DNMT3A: variants seen among roughly 807,000 people sequenced by gnomAD.
DNMT3A encodes DNA (cytosine-5)-methyltransferase 3A.
A neutral mutation model predicts 117.6 loss-of-function variants in DNMT3A; 267 were observed. That is an observed-to-expected ratio of 2.27 (90% CI 2.05 to 2.51). The LOEUF (loss-of-function observed/expected upper bound fraction) is 2.51, where lower values mean the gene tolerates loss of function less well. Ranked by LOEUF, DNMT3A falls within the 30% of genes most tolerant of loss-of-function variation. The pLI is 0.00. For synonymous variants in DNMT3A, 432 were observed against 474.8 expected, an observed-to-expected ratio of 0.91 and a Z score of 1.17; for missense variants, 1,029 against 1,260.2, an observed-to-expected ratio of 0.82 and a Z score of 2.78.
At chr2:25,307,526 C>T (rs1034088727) in intron 2 of DNMT3A, among the ~76,000 whole-genome samples, 2 of 136,064 alleles carry the variant, frequency 1.5e-5, no homozygotes, top group African/African-American at 5.6e-5. Flanking sequence ...AGTGCAATGG[C>T]GAGATCTTGG....
chr2:25,336,135 G>T (rs1170747449), intron 1 of DNMT3A, among the ~76,000 whole-genome samples: 1 of 152,242 alleles, frequency 6.6e-6, no homozygotes, highest in Admixed American at 6.5e-5. Context: ...CCCACCAGCT[G>T]TTCTTGCAGG....
intron 1 of DNMT3A, among the ~76,000 whole-genome samples, chr2:25,340,544 G>C (rs939421522): frequency 2.0e-5 from 3 of 152,094 alleles, no homozygotes; most frequent in Non-Finnish European, 4.4e-5. Flanking sequence ...CGGCCTGGGG[G>C]AGGGGAACTG....
chr2:25,310,561 C>T (rs1204539842), intron 2 of DNMT3A, among the ~76,000 whole-genome samples: 1 of 152,150 alleles, frequency 6.6e-6, no homozygotes, highest in Non-Finnish European at 1.5e-5. Context: ...GCCCAGCACC[C>T]ACAGCTCTGC....
At chr2:25,302,362 C>T (rs1245295362) in intron 2 of DNMT3A, among the ~76,000 whole-genome samples, 1 of 152,134 alleles carries the variant, frequency 6.6e-6, no homozygotes. Flanking sequence ...TGTCACTAAG[C>T]TGTGCAGAGT....
At chr2:25,299,130 A>G (rs935606446) in intron 3 of DNMT3A, among the ~76,000 whole-genome samples, 7 of 152,164 alleles carry the variant, frequency 4.6e-5, no homozygotes, top group African/African-American at 1.7e-4. Context: ...GGGGGGTAAA[A>G]GAAAGGAACC....
At chr2:25,278,000 ATC>A (rs1491555120) in intron 4 of DNMT3A, among the ~76,000 whole-genome samples, 1 of 67,554 alleles carries the variant, frequency 1.5e-5, no homozygotes, top group Non-Finnish European at 2.7e-5. Flanking sequence ...CACTTGAGTG[ATC>A]ACACACACAC....
intron 1 of DNMT3A, among the ~76,000 whole-genome samples, chr2:25,332,823 C>G (rs2035065230): frequency 1.3e-5 from 2 of 152,262 alleles, no homozygotes; most frequent in South Asian, 4.1e-4. Context: ...ACAAGCACCA[C>G]ATTGTTGCTG....
rs1291260639 is a variant in DNMT3A, at chr2:25,321,581, C to T, written c.-177-7420G>A. ...TTAGGACCTGGCCATCTTAGGGGGG[C>T]CATTATTCTGGCTACCAAATGCACA... On this transcript the variant is annotated intron_variant, in intron 1 of 22. Coordinates refer to ENST00000321117, the MANE Select transcript of DNMT3A (RefSeq NM_022552.5). 5.3e-5 allele frequency among the ~76,000 whole-genome samples: 8 copies of T among 152,332 alleles called. No homozygotes were observed. The East Asian group carries it at 1.5e-3, about 29-fold the overall frequency.
chr2:25,325,301 T>C (rs2034743434), intron 1 of DNMT3A, among the ~76,000 whole-genome samples: 1 of 152,150 alleles, frequency 6.6e-6, no homozygotes, highest in African/African-American at 2.4e-5. Flanking sequence ...GTGGGTCAGA[T>C]GGGCTTCCCA....
At chr2:25,238,005 ACTC>A (rs1234377412) in intron 20 of DNMT3A, among the ~76,000 whole-genome samples, 4 of 152,070 alleles carry the variant, frequency 2.6e-5, no homozygotes, top group South Asian at 4.2e-4. Flanking sequence ...GATGTCCCCG[ACTC>A]TTTATGCGTG....
intron 1 of DNMT3A, among the ~76,000 whole-genome samples, chr2:25,319,007 T>C (rs2034490462): frequency 6.7e-6 from 1 of 148,536 alleles, no homozygotes. Context: ...CCCTTTTCTT[T>C]TCTTTCTTTC....
chr2:25,249,431 C>T (rs1264176183), intron 6 of DNMT3A, among the ~76,000 whole-genome samples: 1 of 152,232 alleles, frequency 6.6e-6, no homozygotes, highest in Non-Finnish European at 1.5e-5. Flanking sequence ...CCTGTCTGTT[C>T]CCATGCTCAG....
In DNMT3A at chr2:25,232,923, T is replaced by TG. The variant is rs1287300182; in HGVS notation, c.*1355dup. 8.7e-6 allele frequency: 2 copies of TG among 230,990 alleles called. No homozygotes were observed. The highest frequency in any genetic ancestry group is 4.4e-5 in the African/African-American group (2 of 45,172). The allele number at this position is 230,990 out of a possible 1,614,324, so 14.3% of individuals were successfully genotyped here. ...GCCTTGTGCACAGAGGGGTGGATGG[T>TG]GGGGGCCTCATAAAAGAACACACAA... On this transcript the variant is annotated 3_prime_UTR_variant, in exon 23 of 23. Transcript: ENST00000321117. The surrounding 1 kb of genome is among the most constrained non-coding windows in gnomAD (Gnocchi z 4.1).
At chr2:25,314,305 A>C in intron 1 of DNMT3A, 144 bp from the exon 2 acceptor site, 1 of 1,183,132 alleles carries the variant, frequency 8.5e-7, no homozygotes, top group Non-Finnish European at 1.1e-6. Flanking sequence ...GAGCAGAGAA[A>C]CCGAGGCAGG....
chr2:25,282,563 C>A lies in DNMT3A; in HGVS notation c.326G>T (p.Gly109Val). The part of the protein sequence containing the change: ...PQPEEGSPAG[G>V]QKGGAPAEGE... ...CTCTGCTGGGGCCCCGCCCTTCTGCCCCCCAGCAGGGCTCCCCTCCTCTGG... is the reference window on the plus strand; with the variant it reads ...CTCTGCTGGGGCCCCGCCCTTCTGCACCCCAGCAGGGCTCCCCTCCTCTGG... Residue 109 changes from glycine to valine, a missense_variant, in exon 4 of 23, where the codon GGG becomes GTG. By Grantham distance (109) the Gly-to-Val change is moderately radical. Coordinates refer to ENST00000321117, the MANE Select transcript of DNMT3A (RefSeq NM_022552.5). This position sits in a 1 kb window ranked among gnomAD's most constrained non-coding sequence, Gnocchi z 5.2. 1.9e-6 allele frequency: 3 copies of A among 1,613,490 alleles called. No homozygotes were observed. Among genetic ancestry groups the A allele is most frequent in the East Asian group, 2.2e-5 (1 of 44,870 alleles).
At chr2:25,336,806 C>G (rs1040472799) in intron 1 of DNMT3A, among the ~76,000 whole-genome samples, 3 of 152,170 alleles carry the variant, frequency 2.0e-5, no homozygotes, top group Admixed American at 6.5e-5. Context: ...GGCACTACAG[C>G]CACCCACAAT....
chr2:25,317,225 CT>C (rs34464455), intron 1 of DNMT3A, among the ~76,000 whole-genome samples: 60,469 of 128,628 alleles, frequency 0.47, 13,148 homozygotes, highest in Non-Finnish European at 0.53. Context: ...CCACACCTGG[CT>C]TTTTTTTTTT....
chr2:25,285,665 C>G (rs571625441), intron 3 of DNMT3A, among the ~76,000 whole-genome samples: 1 of 152,346 alleles, frequency 6.6e-6, no homozygotes, highest in Admixed American at 6.5e-5. Context: ...CCAGGAAGGC[C>G]AAATCCGGGA....
chr2:25,263,935 C>G lies in DNMT3A; in HGVS notation c.639+11006G>C, dbSNP rs189574100. The stretch of plus-strand genomic sequence containing the variant: ...CTTCCCTTAGTATTTCTAAAACAAC[C>G]CTGCCCTGGCTACAGCACAATTCAT... On this transcript the variant is annotated intron_variant, in intron 6 of 22. Transcript: ENST00000321117. 2.0e-4 allele frequency among the ~76,000 whole-genome samples: 30 copies of G among 152,286 alleles called. No homozygotes were observed. In the East Asian group the frequency reaches 3.5e-3, roughly 18 times the overall value.
Sources: gnomAD v4.1 joint callset for allele counts (sites outside exome capture counted in the v4.1 genomes callset) on GRCh38, gnomAD v4.1.1 for gene constraint, Gnocchi (gnomAD v3.1) non-coding constraint, MANE v1.5 for transcripts, NCBI Gene and HGNC (gene_info 2026-07-23, HGNC 2026-07-21) for gene names.